Variants in PZP observed in about 807,000 individuals in gnomAD.
PZP encodes pregnancy zone protein.
PZP carries 150 observed loss-of-function variants against 179.8 expected under a neutral mutation model. The observed-to-expected ratio is 0.83, with a 90% CI of 0.73 to 0.96. The LOEUF (loss-of-function observed/expected upper bound fraction) is 0.96. PZP is among the 40% of genes least tolerant of loss of function. The probability of loss-of-function intolerance (pLI) is 0.00; values close to 1 mark genes in which losing one functional copy is unlikely to be tolerated. For synonymous variants in PZP, 624 were observed against 652.3 expected (o/e 0.96, Z 0.66); for missense variants, 1,689 against 1,764.0 (o/e 0.96, Z 0.76).
intron 2 of PZP, 77 bp downstream of exon 2, chr12:9,203,691 G>C (rs1182755696): frequency 6.5e-6 from 10 of 1,527,376 alleles, no homozygotes; most frequent in Non-Finnish European, 9.0e-6. Flanking sequence ...TCGCACACCA[G>C]AGCTCCATCA....
intron 11 of PZP, 38 bp from the exon 12 acceptor site, chr12:9,192,777 GAAATTCTTC>G: frequency 7.0e-7 from 1 of 1,418,536 alleles, no homozygotes; most frequent in Admixed American, 1.7e-5. Context: ...ATACTGTCTT[GAAATTCTTC>G]ACCTTAGCTT....
intron 15 of PZP, among the ~76,000 whole-genome samples, chr12:9,173,143 C>T (rs1293209554): frequency 1.3e-5 from 2 of 152,212 alleles, no homozygotes; most frequent in Non-Finnish European, 2.9e-5. Context: ...ACAGTGCAAT[C>T]AACTTAGAAC....
chr12:9,143,948 G>A (rs958729641), downstream of PZP, among the ~76,000 whole-genome samples: 1 of 152,222 alleles, frequency 6.6e-6, no homozygotes, highest in East Asian at 1.9e-4. Context: ...TCTTTCTAAA[G>A]AGAACAATTA....
At position 9,203,337 on chromosome 12, in the gene PZP, CTTT is replaced by C. The variant is rs528084441; in HGVS notation, c.267+428_267+430del. ...CCTTTCTGAAGTCCTAACTACATTC[CTTT>C]TTTTTTTTTTTTTTTTTTTGAGACG... On this transcript the variant is annotated intron_variant, in intron 2 of 35. Transcript: ENST00000261336. 7.7e-3 allele frequency among the ~76,000 whole-genome samples: 878 copies of C among 114,524 alleles called. 4 individuals carry two copies. Among genetic ancestry groups the C allele is most frequent in the East Asian group, 0.03 (121 of 3,978 alleles). 75.1% of individuals were successfully genotyped at this position (114,524 alleles called of 152,430 possible). A position where few individuals can be genotyped will look rare whatever the true frequency, so the allele number is the denominator to read the frequency against.
chr12:9,158,752 C>CTTTTTTTTTTTTTTTTTTTTTTT (rs200458490), intron 25 of PZP, among the ~76,000 whole-genome samples, 176 bp from the exon 26 acceptor site: 3 of 97,816 alleles, frequency 3.1e-5, no homozygotes, highest in South Asian at 8.0e-4. Flanking sequence ...TTTTTCTTTT[C>CTTTTTTTTTTTTTTTTTTTTTTT]TTTTCTTTTT....
intron 34 of PZP, 88 bp from the exon 35 acceptor site, chr12:9,149,690 G>A: frequency 1.6e-6 from 2 of 1,267,886 alleles, no homozygotes; most frequent in Non-Finnish European, 2.2e-6. Context: ...TACTACTGGA[G>A]AAAAGCACGC....
intron 17 of PZP, among the ~76,000 whole-genome samples, chr12:9,168,099 A>C (rs1481790285): frequency 6.6e-6 from 1 of 152,124 alleles, no homozygotes; most frequent in Non-Finnish European, 1.5e-5. Context: ...AAACAATCAA[A>C]GTTCTTAATT....
At chr12:9,152,174 A>G (rs1940404968) in intron 32 of PZP, 46 bp downstream of exon 32, 15 of 1,339,730 alleles carry the variant, frequency 1.1e-5, no homozygotes, top group Non-Finnish European at 1.6e-5. Flanking sequence ...TTGGGGATAC[A>G]GAACATACTT....
chr12:9,202,106 G>A (rs965568319), intron 4 of PZP, among the ~76,000 whole-genome samples: 5 of 152,108 alleles, frequency 3.3e-5, no homozygotes, highest in African/African-American at 1.2e-4. Context: ...GCTATTGCCA[G>A]ACTGATTAAA....
At chr12:9,196,725 G>T in intron 8 of PZP, 40 bp from the exon 9 acceptor site, 2 of 1,471,794 alleles carry the variant, frequency 1.4e-6, no homozygotes, top group Non-Finnish European at 1.9e-6. Flanking sequence ...CAAACTGATT[G>T]AGATCAATAG....
Position 9,157,780 on chromosome 12 carries a change from G to C in PZP, c.3356C>G (p.Pro1119Arg). The part of the protein sequence containing the change: ...AYVTIALLEI[P>R]LPVTNPIVRN... ...GCTGGTACCTACAGTGACTGGGAGA[G>C]GAATTTCCAGAAGGGCAATAGTAAC... is the stretch of plus-strand genomic sequence containing the variant. The change falls in exon 27 of 36, where the codon CCT (proline) becomes CGT (arginine). Residue 1119 changes from proline (P) to arginine (R), a missense_variant. Coordinates refer to ENST00000261336, the MANE Select transcript of PZP (RefSeq NM_002864.3). 3 of 1,613,974 alleles carry C rather than the reference G, an allele frequency of 1.9e-6. No individual in the cohort carries two copies. Among genetic ancestry groups the C allele is most frequent in the Non-Finnish European group, 2.5e-6 (3 of 1,179,834 alleles).
intron 7 of PZP, among the ~76,000 whole-genome samples, chr12:9,198,998 A>G (rs1489558064): frequency 6.6e-6 from 1 of 152,078 alleles, no homozygotes; most frequent in Non-Finnish European, 1.5e-5. Context: ...TCTTCAGGTT[A>G]AAAGGAACTG....
Position 9,169,433 on chromosome 12 carries a change from G to A in PZP, c.1998C>T (p.Leu666=). 6.3e-7 allele frequency: 1 copy of A among 1,591,200 alleles called. No individual in the cohort carries two copies. Among genetic ancestry groups the A allele is most frequent in the Non-Finnish European group, 8.5e-7 (1 of 1,170,322 alleles). ...SSNEADIYSF[L]KGMGLKVFTN... is the part of the protein sequence containing the mutation. ...TAATAAGTAGTGAGAATTTTACCTT[G>A]AGGAAGCTATAAATATCTGCTTCAT... Residue 666 remains leucine, a synonymous_variant, in exon 16 of 36, where the codon CTC becomes CTT. Transcript: ENST00000261336.
chr12:9,202,352 G>C lies in PZP; in HGVS notation c.447C>G (p.Ser149=), dbSNP rs143334338. Residue 149 remains serine, a synonymous_variant, in exon 4 of 36, where the codon TCC becomes TCG. Transcript: ENST00000261336. The part of the protein sequence containing the change: ...PGQTVRFRVV[S]VDENFRPRNE... ...TTCGAGGGCGAAAATTTTCATCCAC[G>C]GAGACAACACGGAATCTTACTGGAA... 30 of 1,614,082 alleles carry C rather than the reference G, an allele frequency of 1.9e-5. 1 individual carries two copies. In the South Asian group the frequency reaches 3.3e-4, roughly 18 times the overall value.
rs142153946 is a variant in PZP at position 9,204,014 on chromosome 12, A to C, written c.84-63T>G. 439 of 1,425,398 alleles carry C rather than the reference A, an allele frequency of 3.1e-4. 4 individuals are homozygous for C. In the African/African-American group the frequency reaches 5.4e-3, roughly 18 times the overall value. 88.3% of individuals were successfully genotyped at this position (1,425,398 alleles called of 1,614,324 possible). The stretch of plus-strand genomic sequence containing the variant: ...TGATAGTAAGCGTTTTCATCCATAA[A>C]TGTGTTTTCATAACAATATGTATTA... On this transcript the variant is annotated intron_variant, in intron 1 of 35. Transcript: ENST00000261336.
intron 15 of PZP, among the ~76,000 whole-genome samples, chr12:9,180,560 T>C (rs1369091433): frequency 1.3e-5 from 2 of 152,194 alleles, no homozygotes; most frequent in Non-Finnish European, 2.9e-5. Flanking sequence ...AAGGATTCCC[T>C]ATTTAATAAA....
intron 13 of PZP, among the ~76,000 whole-genome samples, chr12:9,190,410 A>G (rs1943393053): frequency 6.6e-6 from 1 of 152,210 alleles, no homozygotes; most frequent in Non-Finnish European, 1.5e-5. Flanking sequence ...AAAACCAAAT[A>G]TTCCATGTGC....
At position 9,170,953 on chromosome 12, in the gene PZP, G is replaced by C. The variant is rs1941952015; in HGVS notation, c.1840-1362C>G. Among the ~76,000 whole-genome samples, 3 of 152,192 alleles carry C rather than the reference G, an allele frequency of 2.0e-5. No homozygotes were observed. In the South Asian group the frequency reaches 6.2e-4, roughly 31 times the overall value. On this transcript the variant is annotated intron_variant, in intron 15 of 35. Transcript: ENST00000261336. The surrounding 1 kb of genome is among the most constrained non-coding windows in gnomAD (Gnocchi z 4.6). ...TTTGGAGAATACAGGTGATCCAGGT[G>C]AGGAAGGATCCCACCCAATGCAGCC...
Position 9,152,270 on chromosome 12 carries a change from C to G in PZP, c.4162G>C (p.Asp1388His), listed in dbSNP as rs1940414018. 6.2e-7 allele frequency: 1 copy of G among 1,613,214 alleles called. No homozygotes were observed. Among genetic ancestry groups the G allele is most frequent in the Non-Finnish European group, 8.5e-7 (1 of 1,179,292 alleles). Residue 1388 changes from aspartate (D) to histidine (H), a missense_variant, in exon 32 of 36, where the codon GAT becomes CAT. Physicochemically the swap from Asp to His is moderately conservative, Grantham distance 81. Coordinates refer to ENST00000261336, the MANE Select transcript of PZP (RefSeq NM_002864.3). ...NRPASNMVIV[D>H]VKMVSGFIPL... ...ATAAAACCAGATACCATCTTTACAT[C>G]AACAATCACCATATTGGAAGCAGGA...
Sources: gnomAD v4.1 joint callset for allele counts (sites outside exome capture counted in the v4.1 genomes callset) on GRCh38, gnomAD v4.1.1 for gene constraint, Gnocchi (gnomAD v3.1) non-coding constraint, MANE v1.5 for transcripts, NCBI Gene and HGNC (gene_info 2026-07-23, HGNC 2026-07-21) for gene names.